Variants in RTN4RL1 observed in about 807,000 individuals in gnomAD.
RTN4RL1 encodes the protein reticulon-4 receptor-like 1.
A neutral mutation model predicts 25.6 loss-of-function variants in RTN4RL1; 7 were observed. That is an observed-to-expected ratio of 0.27 (90% CI 0.16 to 0.51). RTN4RL1 has a LOEUF of 0.51. Among genes scored for constraint, RTN4RL1 ranks in the 20% least tolerant of loss-of-function variants. The pLI, the probability that RTN4RL1 is intolerant of heterozygous loss-of-function variation, is 0.97. For synonymous variants in RTN4RL1, 297 were observed against 288.2 expected, an observed-to-expected ratio of 1.03 and a Z score of -0.31; for missense variants, 500 against 615.6, an observed-to-expected ratio of 0.81 and a Z score of 1.99.
chr17:2,018,209 A>C (rs986494661), intron 1 of RTN4RL1: 1 of 152,446 alleles, frequency 6.6e-6, no homozygotes, highest in East Asian at 1.9e-4. Flanking sequence ...GAGGGAAGCC[A>C]GGGAGAGCAA....
Position 1,998,011 on chromosome 17 carries a change from C to G in RTN4RL1, c.13+26842G>C, listed in dbSNP as rs1342738924. Among the ~76,000 whole-genome samples the G allele has an allele frequency of 6.6e-6, 1 of 152,136 alleles. No homozygotes were observed. The highest frequency in any genetic ancestry group is 1.5e-5 in the Non-Finnish European group (1 of 67,988). ...CCTGGGGGCGGGCAGCGATGTCCCCCTCAGGGTGCCGGGCGCCCCACCCCC... is the reference window on the plus strand; with the variant it reads ...CCTGGGGGCGGGCAGCGATGTCCCCGTCAGGGTGCCGGGCGCCCCACCCCC... On this transcript the variant is annotated intron_variant, in intron 1 of 1. Coordinates refer to ENST00000331238, the MANE Select transcript of RTN4RL1 (RefSeq NM_178568.4). This position sits in a 1 kb window ranked among gnomAD's most constrained non-coding sequence, Gnocchi z 4.9.
intron 1 of RTN4RL1, among the ~76,000 whole-genome samples, chr17:1,943,663 G>A (rs1029790498): frequency 6.6e-5 from 10 of 152,216 alleles, no homozygotes; most frequent in African/African-American, 2.4e-4. Context: ...GGGGCTGCTG[G>A]CGCCTTAGGC....
chr17:1,954,550 G>C (rs1414194449), intron 1 of RTN4RL1, among the ~76,000 whole-genome samples: 1 of 152,034 alleles, frequency 6.6e-6, no homozygotes, highest in East Asian at 1.9e-4. Flanking sequence ...ACCACGCCAA[G>C]CTAGTTTTTG....
chr17:1,996,397 C>G (rs1219170874), intron 1 of RTN4RL1, among the ~76,000 whole-genome samples: 1 of 149,840 alleles, frequency 6.7e-6, no homozygotes, highest in Non-Finnish European at 1.5e-5. Flanking sequence ...CCCCTCCCCC[C>G]CGGCCCAAGG....
intron 1 of RTN4RL1, among the ~76,000 whole-genome samples, chr17:2,002,003 G>GA (rs1482592017): frequency 3.5e-5 from 3 of 85,522 alleles, no homozygotes; most frequent in Non-Finnish European, 7.6e-5. Context: ...TTGCTTAAAG[G>GA]ATTTTTTTTT....
intron 1 of RTN4RL1, among the ~76,000 whole-genome samples, chr17:1,942,890 G>C (rs1181018284): frequency 6.6e-6 from 1 of 152,200 alleles, no homozygotes; most frequent in Non-Finnish European, 1.5e-5. Context: ...GGGGCGACGT[G>C]CCCCTTCCTA....
At chr17:2,011,188 T>C (rs532996082) in intron 1 of RTN4RL1, among the ~76,000 whole-genome samples, 1 of 151,946 alleles carries the variant, frequency 6.6e-6, no homozygotes, top group South Asian at 2.1e-4. Context: ...GAGGCGGAGG[T>C]TGCTGTGAGC....
intron 1 of RTN4RL1, among the ~76,000 whole-genome samples, chr17:1,962,437 A>G (rs2066768813): frequency 6.7e-6 from 1 of 148,240 alleles, no homozygotes; most frequent in Non-Finnish European, 1.5e-5. Flanking sequence ...AGCTCCCTGC[A>G]ACCTCCGTCT....
intron 1 of RTN4RL1, among the ~76,000 whole-genome samples, chr17:1,972,827 C>T (rs1348863494): frequency 6.6e-6 from 1 of 152,178 alleles, no homozygotes; most frequent in Admixed American, 6.5e-5. Context: ...CTGTTGTTTC[C>T]TGAATCCTCA....
chr17:1,949,125 T>A (rs1274829273), intron 1 of RTN4RL1, among the ~76,000 whole-genome samples: 1 of 149,290 alleles, frequency 6.7e-6, no homozygotes. Flanking sequence ...CCTGGCTAAT[T>A]TTTTTTTTTG....
chr17:1,984,899 G>A (rs2066881519), intron 1 of RTN4RL1, among the ~76,000 whole-genome samples: 2 of 152,050 alleles, frequency 1.3e-5, no homozygotes, highest in Non-Finnish European at 2.9e-5. Flanking sequence ...CCCAGAAGGC[G>A]GAGGTTGCAG....
intron 1 of RTN4RL1, among the ~76,000 whole-genome samples, chr17:2,015,803 G>C (rs1245530595): frequency 6.6e-6 from 1 of 152,138 alleles, no homozygotes; most frequent in Admixed American, 6.5e-5. Context: ...CGAAAGGAGG[G>C]GATGCAACAC....
intron 1 of RTN4RL1, among the ~76,000 whole-genome samples, chr17:2,008,235 A>G (rs920986505): frequency 1.3e-4 from 19 of 151,344 alleles, no homozygotes; most frequent in African/African-American, 4.6e-4. Flanking sequence ...CGCCATTGCA[A>G]TTCAGCCTGG....
intron 1 of RTN4RL1, among the ~76,000 whole-genome samples, chr17:1,939,582 T>A (rs1915398563): frequency 6.6e-6 from 1 of 152,086 alleles, no homozygotes; most frequent in African/African-American, 2.4e-5. Context: ...AGGCCTTGCC[T>A]CTCGACTGTC....
intron 1 of RTN4RL1, among the ~76,000 whole-genome samples, chr17:2,004,476 T>G (rs2066980586): frequency 6.6e-6 from 1 of 151,080 alleles, no homozygotes; most frequent in African/African-American, 2.4e-5. Flanking sequence ...TCTTTTCCAG[T>G]CGGGGGACCC....
In RTN4RL1 at chr17:1,998,580, G is replaced by T. The variant is rs1248250222; in HGVS notation, c.13+26273C>A. ...GCGGCTTTCCTGCCCCCACTTTACA[G>T]ACGTGAACGCTGAGGCGGAGGGTGG... On this transcript the variant is annotated intron_variant, in intron 1 of 1. Transcript: ENST00000331238. This position sits in a 1 kb window ranked among gnomAD's most constrained non-coding sequence, Gnocchi z 4.9. Among the ~76,000 whole-genome samples the T allele has an allele frequency of 6.6e-6, 1 of 152,124 alleles. No individual in the cohort carries two copies. Among genetic ancestry groups the T allele is most frequent in the East Asian group, 1.9e-4 (1 of 5,174 alleles).
At chr17:1,949,298 T>C (rs1281728441) in intron 1 of RTN4RL1, among the ~76,000 whole-genome samples, 6 of 151,410 alleles carry the variant, frequency 4.0e-5, no homozygotes, top group Non-Finnish European at 8.8e-5. Flanking sequence ...GGTTTCACCA[T>C]GTTGGCCAGG....
intron 1 of RTN4RL1, among the ~76,000 whole-genome samples, chr17:1,975,390 C>T (rs762499597): frequency 2.0e-5 from 3 of 152,114 alleles, no homozygotes; most frequent in Non-Finnish European, 2.9e-5. Flanking sequence ...GTGGCTCATG[C>T]CTGTAATCCC....
At chr17:1,953,579 T>G (rs1487681648) in intron 1 of RTN4RL1, among the ~76,000 whole-genome samples, 1 of 152,100 alleles carries the variant, frequency 6.6e-6, no homozygotes, top group African/African-American at 2.4e-5. Flanking sequence ...AAAAAATTTT[T>G]TTTTGAGACA....
Sources: gnomAD v4.1 joint callset for allele counts (sites outside exome capture counted in the v4.1 genomes callset) on GRCh38, gnomAD v4.1.1 for gene constraint, Gnocchi (gnomAD v3.1) non-coding constraint, MANE v1.5 for transcripts, NCBI Gene and HGNC (gene_info 2026-07-23, HGNC 2026-07-21) for gene names.